Variants in DNHD1 observed in about 807,000 individuals in gnomAD.
DNHD1 encodes the protein dynein heavy chain domain-containing protein 1.
Under a neutral mutation model 458.1 loss-of-function variants are expected in DNHD1, and 383 were observed. That is an observed-to-expected ratio of 0.84 (90% CI 0.77 to 0.91). The LOEUF (loss-of-function observed/expected upper bound fraction) is 0.91, where lower values mean the gene tolerates loss of function less well. Ranked by LOEUF, DNHD1 falls within the 40% of genes least tolerant of loss-of-function variation. The pLI is 0.00. For missense variants in DNHD1, 5,336 were observed against 5,866.1 expected, an observed-to-expected ratio of 0.91 and a Z score of 2.95; for synonymous variants, 2,203 against 2,376.9, an observed-to-expected ratio of 0.93 and a Z score of 2.13.
chr11:6,504,368 G>A (rs1340336206), intron 4 of DNHD1, among the ~76,000 whole-genome samples: 1 of 152,212 alleles, frequency 6.6e-6, no homozygotes, highest in Non-Finnish European at 1.5e-5. Context: ...AAGATAAGAG[G>A]GGAAGGGACT....
intron 4 of DNHD1, among the ~76,000 whole-genome samples, chr11:6,507,280 C>T: frequency 6.6e-6 from 1 of 152,164 alleles, no homozygotes; most frequent in East Asian, 1.9e-4. Flanking sequence ...CAGTGGCTTA[C>T]ACACTGCTTG....
Position 6,570,315 on chromosome 11 carries a change from G to A in DNHD1, c.13024G>A (p.Ala4342Thr). 1 of 1,613,280 alleles carries A rather than the reference G, an allele frequency of 6.2e-7. No individual in the cohort carries two copies. The highest frequency in any genetic ancestry group is 8.5e-7 in the Non-Finnish European group (1 of 1,179,646). The change falls in exon 41 of 43, where the codon GCC becomes ACC. Residue 4342 changes from alanine to threonine, a missense_variant. By Grantham distance (58) the Ala-to-Thr change is moderately conservative (BLOSUM62 0). Around this residue, in one of 4 missense-constraint regions of DNHD1, gnomAD observed 698 missense variants for 664.9 expected, o/e 1.05. Transcript: ENST00000254579. ...DREALISLTQ[A>T]CLSPSSGSWV... ...GGAGGCCCTGATTAGCCTCACACAA[G>A]CCTGCCTGAGCCCCAGTAGTGGGAG...
intron 24 of DNHD1, 164 bp downstream of exon 24, chr11:6,549,097 C>T (rs1405183983): frequency 2.6e-6 from 2 of 757,214 alleles, no homozygotes; most frequent in Non-Finnish European, 4.2e-6. Flanking sequence ...ACAATCCCAT[C>T]CACTCTCATG....
chr11:6,503,174 CTCTT>C, intron 4 of DNHD1: 1 of 452,886 alleles, frequency 2.2e-6, no homozygotes, highest in Non-Finnish European at 3.9e-6. Flanking sequence ...TCACATTTTG[CTCTT>C]TCTTTTTTAT....
Position 6,564,061 on chromosome 11 carries a change from T to C in DNHD1, c.10221T>C (p.Tyr3407=). Residue 3407 remains tyrosine (Y), a synonymous_variant, in exon 31 of 43, where the codon TAT becomes TAC. Coordinates refer to ENST00000254579, the MANE Select transcript of DNHD1 (RefSeq NM_144666.3). ...KTLSQAQCGQ[Y]HKWPMKAALL... Reference sequence around the variant, plus strand: ...TCAGTCAAGCACAGTGTGGGCAGTATCACAAATGGCCCATGAAGGCTGCAC... The same window carrying C: ...TCAGTCAAGCACAGTGTGGGCAGTACCACAAATGGCCCATGAAGGCTGCAC... The C allele has an allele frequency of 6.4e-7, 1 of 1,551,638 alleles. No homozygotes were observed. Among genetic ancestry groups the C allele is most frequent in the Non-Finnish European group, 8.7e-7 (1 of 1,146,992 alleles).
Position 6,558,447 on chromosome 11 carries a change from G to T in DNHD1, c.9003-38G>T, listed in dbSNP as rs973820026. ...ACTGGGGCCAGGAGGGGCAAGCAAAGGTAAAGGGGAGGACATTAGCTGAGC... is the reference window on the plus strand; with the variant it reads ...ACTGGGGCCAGGAGGGGCAAGCAAATGTAAAGGGGAGGACATTAGCTGAGC... On this transcript the variant is annotated intron_variant, in intron 25 of 42. Transcript: ENST00000254579. The T allele has an allele frequency of 3.2e-6, 5 of 1,549,340 alleles. No individual in the cohort carries two copies. In the Admixed American group the frequency reaches 7.8e-5, roughly 24 times the overall value.
At chr11:6,503,023 C>T (rs11603067) in intron 4 of DNHD1, 97 bp downstream of exon 4, 240,173 of 1,355,178 alleles carry the variant, frequency 0.18, 22,380 homozygotes, top group South Asian at 0.22. Flanking sequence ...ACCCTTCTCC[C>T]TGTCCTTTCT....
In DNHD1 at chr11:6,568,792, T is replaced by C; in HGVS notation, c.12789T>C (p.Pro4263=). 2 of 1,613,440 alleles carry C rather than the reference T, an allele frequency of 1.2e-6. No homozygotes were observed. The highest frequency in any genetic ancestry group is 8.5e-7 in the Non-Finnish European group (1 of 1,179,720). The change falls in exon 39 of 43, where the codon CCT becomes CCC. Residue 4263 remains proline, a synonymous_variant. Transcript: ENST00000254579. ...TGCAACCCCCCACCCAGGCACTACC[T>C]CTGCTCCTCCTCCATGGCCTCCTGC... ...LYMQPPTQAL[P]LLLLHGLLLH... is the part of the protein sequence containing the mutation.
intron 7 of DNHD1, among the ~76,000 whole-genome samples, chr11:6,512,693 C>T (rs965914361): frequency 6.6e-6 from 1 of 152,124 alleles, no homozygotes; most frequent in African/African-American, 2.4e-5. Flanking sequence ...ACTCTGTTTT[C>T]CTTTTTCTGT....
intron 39 of DNHD1, among the ~76,000 whole-genome samples, chr11:6,569,165 G>C (rs1160727979): frequency 6.6e-6 from 1 of 152,148 alleles, no homozygotes; most frequent in Non-Finnish European, 1.5e-5. Context: ...GGAGAAGTAA[G>C]GTTCATTATA....
At position 6,564,397 on chromosome 11, in the gene DNHD1, A is replaced by G; in HGVS notation, c.10349A>G (p.Tyr3450Cys). The G allele has an allele frequency of 1.3e-6, 2 of 1,551,528 alleles. No individual in the cohort carries two copies. The highest frequency in any genetic ancestry group is 1.7e-6 in the Non-Finnish European group (2 of 1,146,902). Residue 3450 changes from tyrosine to cysteine, a missense_variant, in exon 32 of 43, where the codon TAC becomes TGC. Tyr to Cys is a radical substitution (Grantham distance 194). Coordinates refer to ENST00000254579, the MANE Select transcript of DNHD1 (RefSeq NM_144666.3). Reference protein sequence around the residue: ...DTLLCSAAIIYLGPFPPLRRQ... With the variant: ...DTLLCSAAIICLGPFPPLRRQ... ...CTCCTATGTTCAGCTGCCATCATCT[A>G]CCTGGGTCCCTTCCCACCATTGCGG... is the stretch of plus-strand genomic sequence containing the variant.
At chr11:6,511,633 A>C (rs958146205) in intron 7 of DNHD1, among the ~76,000 whole-genome samples, 1 of 152,144 alleles carries the variant, frequency 6.6e-6, no homozygotes, top group Non-Finnish European at 1.5e-5. Context: ...CTTGAACTAG[A>C]CCTTTCCCTA....
In DNHD1 at chr11:6,571,370, A is replaced by T; in HGVS notation, c.13858A>T (p.Ser4620Cys). Reference protein sequence around the residue: ...NFPGSRGSVSSQLQYKRLEMN... With the variant: ...NFPGSRGSVSCQLQYKRLEMN... ...CCCTGGTAGCCGAGGCTCGGTCTCC[A>T]GTCAGCTCCAGTATAAACGTCTGGA... is the stretch of plus-strand genomic sequence containing the variant. The change falls in exon 42 of 43, where the codon AGT (serine) becomes TGT (cysteine). Residue 4620 changes from serine to cysteine, a missense_variant. Physicochemically the swap from Ser to Cys is moderately radical, Grantham distance 112 (BLOSUM62 -1). This residue lies in a region of DNHD1 where 698 missense variants were observed against 664.9 expected (regional missense o/e 1.05). Coordinates refer to ENST00000254579, the MANE Select transcript of DNHD1 (RefSeq NM_144666.3). This position sits in a 1 kb window ranked among gnomAD's most constrained non-coding sequence, Gnocchi z 5.0. 6.2e-7 allele frequency: 1 copy of T among 1,612,156 alleles called. No homozygotes were observed. The highest frequency in any genetic ancestry group is 8.5e-7 in the Non-Finnish European group (1 of 1,179,224).
rs1383062203 is a variant in DNHD1 at position 6,547,519 on chromosome 11, A to T, written c.6580A>T (p.Thr2194Ser). The T allele has an allele frequency of 5.8e-6, 9 of 1,551,148 alleles. No individual in the cohort carries two copies. The highest frequency in any genetic ancestry group is 7.8e-6 in the Non-Finnish European group (9 of 1,146,526). Residue 2194 changes from threonine to serine, a missense_variant, in exon 21 of 43, where the codon ACC (threonine) becomes TCC (serine). Physicochemically the swap from Thr to Ser is moderately conservative, Grantham distance 58. Coordinates refer to ENST00000254579, the MANE Select transcript of DNHD1 (RefSeq NM_144666.3). Reference sequence around the variant, plus strand: ...GGTGCCTGCAACATTGCGATTCCTCACCTGCCAAGGTGTCAGCTCTCTGCT... The same window carrying T: ...GGTGCCTGCAACATTGCGATTCCTCTCCTGCCAAGGTGTCAGCTCTCTGCT... Reference protein sequence around the residue: ...VLVPATLRFLTCQGVSSLLQV... With the variant: ...VLVPATLRFLSCQGVSSLLQV...
chr11:6,546,803 T>G lies in DNHD1; in HGVS notation c.5864T>G (p.Leu1955Trp). 1 of 1,551,792 alleles carries G rather than the reference T, an allele frequency of 6.4e-7. No homozygotes were observed. Among genetic ancestry groups the G allele is most frequent in the Non-Finnish European group, 8.7e-7 (1 of 1,147,014 alleles). ...EPMTYKLMKP[L>W]VVEELQQVGL... ...ATGACTTACAAGCTGATGAAGCCATTGGTGGTGGAGGAACTGCAACAGGTA... is the reference window on the plus strand; with the variant it reads ...ATGACTTACAAGCTGATGAAGCCATGGGTGGTGGAGGAACTGCAACAGGTA... The change falls in exon 21 of 43, where the codon TTG becomes TGG. Residue 1955 changes from leucine to tryptophan, a missense_variant. This residue lies in a region of DNHD1 where 3,932 missense variants were observed against 4,365.6 expected (regional missense o/e 0.90). Coordinates refer to ENST00000254579, the MANE Select transcript of DNHD1 (RefSeq NM_144666.3).
At position 6,556,925 on chromosome 11, in the gene DNHD1, CA is replaced by C; in HGVS notation, c.7631del (p.Gln2544ArgfsTer25). The part of the protein sequence containing the change: ...TLLERHVPII[Q>X]AWLERFPSVE... ...GCTGGAAAGACATGTGCCTATCATT[CA>C]GGCTTGGCTTGAGCGTTTCCCTTCT... On this transcript the variant is annotated frameshift_variant, in exon 25 of 43. Transcript: ENST00000254579. LOFTEE classifies it high-confidence loss of function. The C allele has an allele frequency of 6.4e-7, 1 of 1,551,746 alleles. No individual in the cohort carries two copies. The highest frequency in any genetic ancestry group is 1.2e-5 in the South Asian group (1 of 84,062).
Position 6,558,485 on chromosome 11 carries a change from G to T in DNHD1, c.9003G>T (p.Arg3001Ser). 1 of 1,551,576 alleles carries T rather than the reference G, an allele frequency of 6.4e-7. No homozygotes were observed. The highest frequency in any genetic ancestry group is 8.7e-7 in the Non-Finnish European group (1 of 1,146,994). ...QNIKKEMVLQ[R>S]FHQQVCSHLH... The stretch of plus-strand genomic sequence containing the variant: ...ACATTAGCTGAGCCCTGGCCCACAG[G>T]TTCCACCAGCAAGTGTGCAGCCACC... Residue 3001 changes from arginine (R) to serine (S), a missense_variant and splice_region_variant, in exon 26 of 43, where the codon AGG becomes AGT. Transcript: ENST00000254579.
rs1853764715 is a variant in DNHD1, at chr11:6,568,654, T to C, written c.12662-11T>C. 6.2e-6 allele frequency: 10 copies of C among 1,613,772 alleles called. No individual in the cohort carries two copies. The highest frequency in any genetic ancestry group is 5.9e-6 in the Non-Finnish European group (7 of 1,179,862). ...GTGCTGTGCTGACTCAGCACTCTCC[T>C]TCCTCCCCAGCTGTGCTGACTCAGC... On this transcript the variant is annotated splice_polypyrimidine_tract_variant and intron_variant, in intron 38 of 42. Coordinates refer to ENST00000254579, the MANE Select transcript of DNHD1 (RefSeq NM_144666.3).
intron 39 of DNHD1, among the ~76,000 whole-genome samples, chr11:6,569,200 G>A (rs1003433391): frequency 2.0e-5 from 3 of 152,158 alleles, no homozygotes; most frequent in Non-Finnish European, 4.4e-5. Context: ...CTAGGGCAAG[G>A]TAGGCCAGGT....
Sources: allele counts gnomAD v4.1 joint callset (sites outside exome capture counted in the v4.1 genomes callset), GRCh38; gene constraint gnomAD v4.1.1; regional missense constraint gnomAD v4.1.1; non-coding constraint Gnocchi (gnomAD v3.1); transcripts MANE v1.5; gene names NCBI Gene and HGNC (gene_info 2026-07-23, HGNC 2026-07-21).